SPMAP2L: variants seen among roughly 807,000 people sequenced by gnomAD.
SPMAP2L encodes sperm microtubule associated protein 2 like.
chr4:56,534,138 C>T, the SPMAP2L span, among the ~76,000 whole-genome samples: 47 of 152,190 alleles, frequency 3.1e-4, no homozygotes, highest in Non-Finnish European at 8.8e-5. Flanking sequence ...TGCAAGTCAT[C>T]ATATCCATGT....
At chr4:56,578,104 T>C in the SPMAP2L span, among the ~76,000 whole-genome samples, 1 of 152,202 alleles carries the variant, frequency 6.6e-6, no homozygotes, top group Non-Finnish European at 1.5e-5. Flanking sequence ...AAAATGTAAA[T>C]ATGTATATAT....
chr4:56,582,184 CAAAAGA>C, the SPMAP2L span, among the ~76,000 whole-genome samples: 1 of 151,342 alleles, frequency 6.6e-6, no homozygotes, highest in African/African-American at 2.4e-5. Context: ...GCTCATGTGA[CAAAAGA>C]AAAAATAAAT....
At chr4:56,620,924 A>G in the SPMAP2L span, among the ~76,000 whole-genome samples, 2 of 152,156 alleles carry the variant, frequency 1.3e-5, no homozygotes, top group Non-Finnish European at 2.9e-5. Context: ...TGTCAGGAGA[A>G]CCATGGTTGT....
the SPMAP2L span, chr4:56,552,612 C>A: frequency 1.3e-6 from 2 of 1,503,390 alleles, no homozygotes; most frequent in Non-Finnish European, 1.8e-6. Context: ...GAACTCCAGA[C>A]AGGTAAGGCA....
At chr4:56,603,925 A>G in the SPMAP2L span, among the ~76,000 whole-genome samples, 1 of 152,240 alleles carries the variant, frequency 6.6e-6, no homozygotes, top group African/African-American at 2.4e-5. Context: ...TGCCAGAGTC[A>G]CTTACCATGA....
chr4:56,585,684 T>C, the SPMAP2L span, among the ~76,000 whole-genome samples: 1 of 152,188 alleles, frequency 6.6e-6, no homozygotes, highest in Non-Finnish European at 1.5e-5. Context: ...CTTTCTTTTC[T>C]CAAGTTCTTC....
chr4:56,595,833 T>A, the SPMAP2L span, among the ~76,000 whole-genome samples: 27 of 152,192 alleles, frequency 1.8e-4, no homozygotes, highest in Admixed American at 1.8e-3. Context: ...TTATATACTG[T>A]GTATATCTCT....
the SPMAP2L span, among the ~76,000 whole-genome samples, chr4:56,624,633 A>C: frequency 6.6e-6 from 1 of 152,242 alleles, no homozygotes; most frequent in South Asian, 2.1e-4. Flanking sequence ...GAAAAGGGCC[A>C]ACACAGAGCT....
the SPMAP2L span, among the ~76,000 whole-genome samples, chr4:56,574,999 C>T: frequency 7.2e-5 from 11 of 152,034 alleles, no homozygotes; most frequent in South Asian, 1.2e-3. Flanking sequence ...GCCTGTAATC[C>T]CAGCACTTTG....
the SPMAP2L span, among the ~76,000 whole-genome samples, chr4:56,601,410 G>A: frequency 2.6e-5 from 4 of 152,104 alleles, no homozygotes; most frequent in Non-Finnish European, 5.9e-5. Context: ...CTTGAGGCTA[G>A]GAGTTGGAGA....
chr4:56,625,912 C>A, the SPMAP2L span, among the ~76,000 whole-genome samples: 1 of 152,162 alleles, frequency 6.6e-6, no homozygotes, highest in Non-Finnish European at 1.5e-5. Flanking sequence ...GTGTGTTTCC[C>A]AGACAATCTC....
the SPMAP2L span, among the ~76,000 whole-genome samples, chr4:56,586,810 GT>G: frequency 6.6e-6 from 1 of 152,084 alleles, no homozygotes; most frequent in Admixed American, 6.6e-5. Context: ...GTCATACTCT[GT>G]TTATTGTTGT....
At chr4:56,560,463 A>C in the SPMAP2L span, among the ~76,000 whole-genome samples, 2 of 152,136 alleles carry the variant, frequency 1.3e-5, no homozygotes, top group African/African-American at 4.8e-5. Context: ...GTCCTCTCAT[A>C]GGAATTTTGC....
chr4:56,588,202 A>G, the SPMAP2L span, among the ~76,000 whole-genome samples: 1 of 151,684 alleles, frequency 6.6e-6, no homozygotes. Context: ...TTTGTTGTAG[A>G]TTCTGCATAT....
At chr4:56,593,986 C>T in the SPMAP2L span, 1 of 1,610,322 alleles carries the variant, frequency 6.2e-7, no homozygotes, top group Non-Finnish European at 8.5e-7. Context: ...TTCAGTGTGG[C>T]TGCTCAGTGA....
the SPMAP2L span, among the ~76,000 whole-genome samples, chr4:56,608,317 G>A: frequency 6.6e-6 from 1 of 152,220 alleles, no homozygotes; most frequent in Admixed American, 6.5e-5. Context: ...TCTCAGCCTT[G>A]TCAAGTTGTA....
chr4:56,558,265 C>T, the SPMAP2L span, among the ~76,000 whole-genome samples: 1 of 152,182 alleles, frequency 6.6e-6, no homozygotes, highest in East Asian at 1.9e-4. Flanking sequence ...GCCACCACGT[C>T]CAGCCACCAA....
chr4:56,599,560 C>T, the SPMAP2L span, among the ~76,000 whole-genome samples: 1 of 152,142 alleles, frequency 6.6e-6, no homozygotes, highest in African/African-American at 2.4e-5. Context: ...TACACACCCC[C>T]TGCCGCTGAC....
the SPMAP2L span, among the ~76,000 whole-genome samples, chr4:56,609,923 G>A: frequency 1.3e-5 from 2 of 152,138 alleles, no homozygotes; most frequent in Admixed American, 1.3e-4. Flanking sequence ...TTTTGTTAGA[G>A]CAACCTGAAT....
Sources: gnomAD v4.1 joint callset for allele counts (sites outside exome capture counted in the v4.1 genomes callset) on GRCh38, gnomAD v4.1.1 for gene constraint, MANE v1.5 for transcripts, NCBI Gene and HGNC (gene_info 2026-07-23, HGNC 2026-07-21) for gene names.